PAAF1: variants seen among roughly 807,000 people sequenced by gnomAD.
PAAF1 encodes the protein proteasomal ATPase-associated factor 1.
A neutral mutation model predicts 52.8 loss-of-function variants in PAAF1; 46 were observed. The ratio of observed to expected loss-of-function variants is 0.87; its 90% CI spans 0.69 to 1.11. The LOEUF is 1.11. Among genes scored for constraint, PAAF1 ranks in the 50% most tolerant of loss-of-function variants. The probability of loss-of-function intolerance (pLI) is 0.00; values close to 1 mark genes in which losing one functional copy is unlikely to be tolerated. For missense variants in PAAF1, 424 were observed against 477.4 expected (o/e 0.89, Z 1.04); for synonymous variants, 178 against 172.8 (o/e 1.03, Z -0.24).
chr11:73,880,359 C>G (rs1394257308), intron 2 of PAAF1: 2 of 151,624 alleles, frequency 1.3e-5, no homozygotes, highest in Admixed American at 6.6e-5. Flanking sequence ...AAGGAAAATA[C>G]TGTATTTTAT....
At position 73,924,485 on chromosome 11, in the gene PAAF1, A is replaced by G. The variant is rs111538179; in HGVS notation, c.1019-130A>G. 990 of 724,286 alleles carry G rather than the reference A, an allele frequency of 1.4e-3. 11 individuals are homozygous for G. The African/African-American group carries it at 0.016, about 11-fold the overall frequency. The allele number at this position is 724,286 out of a possible 1,614,324, so 44.9% of individuals were successfully genotyped here. On this transcript the variant is annotated intron_variant, in intron 10 of 11. Coordinates refer to ENST00000310571, the MANE Select transcript of PAAF1 (RefSeq NM_025155.3). ...AAAGTTGGCCCACGTAATAAGATCT[A>G]TTTGCCATTCTGGGTCTTTGGACCA... is the stretch of plus-strand genomic sequence containing the variant.
intron 2 of PAAF1, chr11:73,879,543 A>G (rs11235938): frequency 2.6e-5 from 4 of 152,184 alleles, no homozygotes; most frequent in Non-Finnish European, 5.9e-5. Context: ...TTCATTTCAA[A>G]TGCTGCTGAT....
chr11:73,890,834 A>G (rs1303448756), intron 3 of PAAF1, among the ~76,000 whole-genome samples: 1 of 152,172 alleles, frequency 6.6e-6, no homozygotes, highest in Non-Finnish European at 1.5e-5. Flanking sequence ...TATTGGTTGT[A>G]TCATATTGTT....
Position 73,904,182 on chromosome 11 carries a change from A to C in PAAF1, c.532+3762A>C, listed in dbSNP as rs1949698464. 2.6e-5 allele frequency among the ~76,000 whole-genome samples: 4 copies of C among 151,870 alleles called. No individual in the cohort carries two copies. In the South Asian group the frequency reaches 6.2e-4, roughly 24 times the overall value. ...TAACTAAAGGATTAGTTTGTTCTCT[A>C]CTTAATTAACAAGCAGAGGTAAGGT... is the stretch of plus-strand genomic sequence containing the variant. On this transcript the variant is annotated intron_variant, in intron 6 of 11. Coordinates refer to ENST00000310571, the MANE Select transcript of PAAF1 (RefSeq NM_025155.3).
At chr11:73,884,969 C>T (rs890008513) in intron 2 of PAAF1, among the ~76,000 whole-genome samples, 6 of 150,112 alleles carry the variant, frequency 4.0e-5, no homozygotes, top group Non-Finnish European at 8.9e-5. Flanking sequence ...ACGCCATTCT[C>T]CTGCCTCAGC....
intron 2 of PAAF1, chr11:73,880,508 G>A (rs1022130043): frequency 1.4e-4 from 21 of 148,234 alleles, no homozygotes; most frequent in African/African-American, 5.2e-4. Context: ...AGCCAGGTGC[G>A]GTGGCTCTAC....
chr11:73,896,091 AGAGTGAGACC>A (rs1949344580), intron 4 of PAAF1, among the ~76,000 whole-genome samples: 3 of 152,232 alleles, frequency 2.0e-5, no homozygotes, highest in Non-Finnish European at 4.4e-5. Flanking sequence ...CCTGAGCAAC[AGAGTGAGACC>A]CTGTCTTTAA....
intron 7 of PAAF1, among the ~76,000 whole-genome samples, chr11:73,911,648 G>A (rs1949934085): frequency 1.4e-5 from 2 of 138,874 alleles, no homozygotes; most frequent in South Asian, 4.8e-4. Flanking sequence ...TTTTGAGATG[G>A]AGTCTCACTC....
chr11:73,912,846 G>A (rs942683908), intron 7 of PAAF1, among the ~76,000 whole-genome samples: 2 of 152,062 alleles, frequency 1.3e-5, no homozygotes, highest in African/African-American at 4.8e-5. Context: ...TCTTCTTTCA[G>A]TACAGTAGAC....
chr11:73,909,561 C>G lies in PAAF1; in HGVS notation c.695C>G (p.Ser232Cys). 3.7e-6 allele frequency: 6 copies of G among 1,614,126 alleles called. No individual in the cohort carries two copies. The highest frequency in any genetic ancestry group is 5.1e-6 in the Non-Finnish European group (6 of 1,180,008). ...GTGGCGGTGGGTGCTGCTGACAACT[C>G]CATAAACCTTGGCTCCCCTGAGCAG... ...NGVAVGAADN[S>C]INLGSPEQMP... Residue 232 changes from serine to cysteine, a missense_variant, in exon 7 of 12, where the codon TCC becomes TGC. By Grantham distance (112) the Ser-to-Cys change is moderately radical. Transcript: ENST00000310571.
intron 5 of PAAF1, among the ~76,000 whole-genome samples, 197 bp downstream of exon 5, chr11:73,899,441 T>C (rs2135172548): frequency 6.8e-6 from 1 of 146,980 alleles, no homozygotes; most frequent in Non-Finnish European, 1.5e-5. Flanking sequence ...TGAGACAGTC[T>C]TGCTGTGTTG....
At position 73,885,907 on chromosome 11, in the gene PAAF1, C is replaced by T. The variant is rs529398116; in HGVS notation, c.89-1447C>T. Among the ~76,000 whole-genome samples the T allele has an allele frequency of 7.2e-5, 11 of 151,986 alleles. No homozygotes were observed. In the East Asian group the frequency reaches 1.4e-3, roughly 19 times the overall value. On this transcript the variant is annotated intron_variant, in intron 2 of 11. Coordinates refer to ENST00000310571, the MANE Select transcript of PAAF1 (RefSeq NM_025155.3). Reference sequence around the variant, plus strand: ...ATCCATGATGATTTCTGCTTCTCTCCTGTAACTTCAGTTTGGCTCAACATT... The same window carrying T: ...ATCCATGATGATTTCTGCTTCTCTCTTGTAACTTCAGTTTGGCTCAACATT...
intron 5 of PAAF1, 91 bp downstream of exon 5, chr11:73,899,335 C>A: frequency 2.4e-6 from 2 of 820,576 alleles, no homozygotes; most frequent in Non-Finnish European, 2.0e-6. Context: ...ATGGCCCATT[C>A]TAAAAATGTG....
intron 4 of PAAF1, among the ~76,000 whole-genome samples, chr11:73,897,878 C>A (rs1949459265): frequency 9.2e-6 from 1 of 108,552 alleles, no homozygotes; most frequent in South Asian, 3.1e-4. Flanking sequence ...CCACTGCACT[C>A]CAGCCTGGGG....
intron 4 of PAAF1, among the ~76,000 whole-genome samples, chr11:73,895,025 C>T (rs921969608): frequency 5.3e-5 from 8 of 152,178 alleles, no homozygotes; most frequent in Non-Finnish European, 1.0e-4. Context: ...TTCTTATTCT[C>T]TTTTTATTTG....
chr11:73,919,533 G>A (rs1290884209), intron 10 of PAAF1, among the ~76,000 whole-genome samples: 1 of 152,226 alleles, frequency 6.6e-6, no homozygotes, highest in Non-Finnish European at 1.5e-5. Context: ...TCATAGATGA[G>A]GCAAGCGGGG....
rs139429481 is a variant in PAAF1, at chr11:73,917,277, C to T, written c.935+617C>T. On this transcript the variant is annotated intron_variant, in intron 9 of 11. Transcript: ENST00000310571. ...CTCGTGATCTGCCCGCCTCAGCCTC[C>T]GAAAGTGCTGGGATTACAGGCATGA... 1.2e-3 allele frequency among the ~76,000 whole-genome samples: 183 copies of T among 152,198 alleles called. 1 individual carries two copies. The highest frequency in any genetic ancestry group is 4.0e-3 in the African/African-American group (167 of 41,540).
intron 4 of PAAF1, among the ~76,000 whole-genome samples, chr11:73,894,001 C>T (rs1949277356): frequency 6.6e-6 from 1 of 152,160 alleles, no homozygotes; most frequent in Non-Finnish European, 1.5e-5. Flanking sequence ...TGGAGTCCTG[C>T]TCTGTTGCCC....
intron 8 of PAAF1, among the ~76,000 whole-genome samples, chr11:73,915,014 A>G (rs1165096336): frequency 6.6e-6 from 1 of 152,126 alleles, no homozygotes; most frequent in African/African-American, 2.4e-5. Flanking sequence ...CCTGAATCCC[A>G]GTTCTTGTGC....
Sources: gnomAD v4.1 joint callset for allele counts (sites outside exome capture counted in the v4.1 genomes callset) on GRCh38, gnomAD v4.1.1 for gene constraint, MANE v1.5 for transcripts, NCBI Gene and HGNC (gene_info 2026-07-23, HGNC 2026-07-21) for gene names.